Variants in GPHN observed in about 807,000 individuals in gnomAD.
GPHN encodes the protein gephyrin.
Under a neutral mutation model 95.5 loss-of-function variants are expected in GPHN, and 17 were observed. That is an observed-to-expected ratio of 0.18 (90% CI 0.12 to 0.27). GPHN has a LOEUF of 0.27. GPHN is among the 10% of genes least tolerant of loss of function. The pLI, the probability that GPHN is intolerant of heterozygous loss-of-function variation, is 1.00. For synonymous variants in GPHN, 320 were observed against 322.5 expected (o/e 0.99, Z 0.08); for missense variants, 660 against 978.1 (o/e 0.67, Z 4.34).
chr14:67,576,440 G>A, the GPHN span: 3 of 1,611,278 alleles, frequency 1.9e-6, no homozygotes, highest in Non-Finnish European at 1.7e-6. The surrounding 1 kb of genome is among the most constrained non-coding windows in gnomAD (Gnocchi z 4.0). Context: ...TGGCAGCAGT[G>A]CCAAGGTGGG....
At chr14:66,568,464 A>G (rs2060548291) in intron 1 of GPHN, among the ~76,000 whole-genome samples, 1 of 152,138 alleles carries the variant, frequency 6.6e-6, no homozygotes, top group Non-Finnish European at 1.5e-5. Context: ...ATATTTCCAG[A>G]GGAAAAAAGA....
the GPHN span, among the ~76,000 whole-genome samples, chr14:67,551,340 G>A: frequency 1.3e-5 from 2 of 152,136 alleles, no homozygotes; most frequent in Non-Finnish European, 2.9e-5. Context: ...CTTTGTATAG[G>A]ACAAAAGCCA....
At chr14:66,796,536 A>T (rs982814147) in intron 3 of GPHN, among the ~76,000 whole-genome samples, 2 of 152,040 alleles carry the variant, frequency 1.3e-5, no homozygotes, top group African/African-American at 4.8e-5. Context: ...TGTCCTTTTG[A>T]TAAAAGCCAT....
the GPHN span, among the ~76,000 whole-genome samples, chr14:67,306,885 T>C: frequency 1.3e-5 from 2 of 152,188 alleles, no homozygotes; most frequent in Admixed American, 1.3e-4. Flanking sequence ...ATTTATTGAG[T>C]ATCATTATGG....
the GPHN span, chr14:67,615,930 C>G: frequency 3.8e-6 from 2 of 522,626 alleles, no homozygotes; most frequent in South Asian, 4.4e-5. Context: ...GTCTGCAAAG[C>G]TGAAGGAAAA....
intron 3 of GPHN, among the ~76,000 whole-genome samples, chr14:66,795,761 C>T (rs1294905123): frequency 1.3e-5 from 2 of 152,130 alleles, no homozygotes; most frequent in Non-Finnish European, 2.9e-5. Context: ...TTGCTACACG[C>T]ATGCAATGCA....
chr14:67,198,468 A>C, the GPHN span: 1 of 730,144 alleles, frequency 1.4e-6, no homozygotes, highest in Non-Finnish European at 2.2e-6. Context: ...ACTTTAAAAA[A>C]CCTGAAATAA....
chr14:67,385,036 C>T, the GPHN span: 1 of 152,156 alleles, frequency 6.6e-6, no homozygotes, highest in South Asian at 2.1e-4. Context: ...TTGAAAAATA[C>T]TGGTGGCGTC....
the GPHN span, chr14:67,615,434 C>T: frequency 1.8e-5 from 4 of 223,718 alleles, no homozygotes; most frequent in South Asian, 6.8e-5. Flanking sequence ...AAGTGAGAGC[C>T]GGATGGGCCC....
At chr14:66,512,940 A>G (rs1227030183) in intron 1 of GPHN, among the ~76,000 whole-genome samples, 1 of 151,730 alleles carries the variant, frequency 6.6e-6, no homozygotes, top group Non-Finnish European at 1.5e-5. Context: ...GCAAATTACT[A>G]TTAAATCCTA....
At chr14:67,100,727 G>A (rs2153678569) in intron 12 of GPHN, 129 bp from the exon 13 acceptor site, 1 of 715,470 alleles carries the variant, frequency 1.4e-6, no homozygotes, top group African/African-American at 1.7e-5. Flanking sequence ...TAGGAGATCA[G>A]AAAAATATTC....
At chr14:66,744,554 AT>A in intron 2 of GPHN, among the ~76,000 whole-genome samples, 1 of 152,326 alleles carries the variant, frequency 6.6e-6, no homozygotes, top group East Asian at 1.9e-4. Context: ...TACATTTTGC[AT>A]TTCTTACACC....
At chr14:67,261,194 A>G in the GPHN span, among the ~76,000 whole-genome samples, 1 of 152,210 alleles carries the variant, frequency 6.6e-6, no homozygotes, top group Non-Finnish European at 1.5e-5. Flanking sequence ...TTGAAAAGGG[A>G]CACTGTTGTG....
chr14:66,849,331 C>G (rs1410782557), intron 4 of GPHN, among the ~76,000 whole-genome samples: 1 of 151,866 alleles, frequency 6.6e-6, no homozygotes, highest in Non-Finnish European at 1.5e-5. Flanking sequence ...TAGGTTCTTT[C>G]CTATTTCCTA....
chr14:67,616,301 C>T, the GPHN span: 1 of 153,416 alleles, frequency 6.5e-6, no homozygotes, highest in Non-Finnish European at 1.4e-5. Flanking sequence ...AGCCTCCATA[C>T]TGTACCTTGT....
At chr14:67,253,291 A>G in the GPHN span, among the ~76,000 whole-genome samples, 1 of 152,234 alleles carries the variant, frequency 6.6e-6, no homozygotes, top group African/African-American at 2.4e-5. Context: ...TAGATAAGAG[A>G]TAGGAGTTGT....
At chr14:67,141,318 T>G (rs925434928) in intron 17 of GPHN, among the ~76,000 whole-genome samples, 2 of 152,216 alleles carry the variant, frequency 1.3e-5, no homozygotes, top group Non-Finnish European at 2.9e-5. Flanking sequence ...GCTCTGTGAA[T>G]GTATTTAAGT....
intron 2 of GPHN, among the ~76,000 whole-genome samples, chr14:66,711,726 G>A (rs912539936): frequency 3.3e-5 from 5 of 150,514 alleles, no homozygotes; most frequent in Non-Finnish European, 7.4e-5. Context: ...TTCTCCTAAT[G>A]CTATCCCTCC....
At chr14:67,022,664 A>ATTG (rs2153626255) in intron 9 of GPHN, among the ~76,000 whole-genome samples, 1 of 136,460 alleles carries the variant, frequency 7.3e-6, no homozygotes, top group African/African-American at 2.8e-5. Context: ...AACATTAACA[A>ATTG]TTGTTTTTTT....
Sources: gnomAD v4.1 joint callset for allele counts (sites outside exome capture counted in the v4.1 genomes callset) on GRCh38, gnomAD v4.1.1 for gene constraint, Gnocchi (gnomAD v3.1) non-coding constraint, MANE v1.5 for transcripts, NCBI Gene and HGNC (gene_info 2026-07-23, HGNC 2026-07-21) for gene names.